The following SOX6 variants were observed in gnomAD, a reference collection of about 807,000 sequenced individuals.
SOX6 encodes transcription factor SOX-6.
A neutral mutation model predicts 97.8 loss-of-function variants in SOX6; 11 were observed. That is an observed-to-expected ratio of 0.11 (90% confidence interval 0.07 to 0.19). The LOEUF (loss-of-function observed/expected upper bound fraction) is 0.19, where lower values mean the gene tolerates loss of function less well. Ranked by LOEUF, SOX6 falls within the 10% of genes least tolerant of loss-of-function variation. The pLI, the probability that SOX6 is intolerant of heterozygous loss-of-function variation, is 1.00. For synonymous variants in SOX6, 360 were observed against 371.4 expected, an observed-to-expected ratio of 0.97 and a Z score of 0.35; for missense variants, 810 against 1,039.5, an observed-to-expected ratio of 0.78 and a Z score of 3.04.
intron 4 of SOX6, among the ~76,000 whole-genome samples, chr11:16,207,401 G>A (rs1248443566): frequency 6.6e-6 from 1 of 152,020 alleles, no homozygotes; most frequent in African/African-American, 2.4e-5. Context: ...AGGAGATCGA[G>A]ACCATCCTGG....
chr11:15,998,270 A>T (rs1224221396), intron 13 of SOX6, among the ~76,000 whole-genome samples: 6 of 151,042 alleles, frequency 4.0e-5, no homozygotes, highest in Non-Finnish European at 8.9e-5. Context: ...TACCAAAATC[A>T]ATCATATTTC....
intron 1 of SOX6, among the ~76,000 whole-genome samples, chr11:16,425,460 G>A (rs1163320838): frequency 2.0e-5 from 3 of 152,126 alleles, no homozygotes; most frequent in African/African-American, 7.2e-5. Flanking sequence ...TGGAAGTCCT[G>A]GCCAGGGCAA....
At chr11:16,073,165 A>C (rs1281675334) in intron 9 of SOX6, among the ~76,000 whole-genome samples, 1 of 152,188 alleles carries the variant, frequency 6.6e-6, no homozygotes, top group Non-Finnish European at 1.5e-5. Flanking sequence ...TGGATAAAGA[A>C]AGCAAGACCT....
At chr11:16,678,655 CA>C (rs1468076055) in intron 3 of SOX6, among the ~76,000 whole-genome samples, 5 of 152,162 alleles carry the variant, frequency 3.3e-5, no homozygotes, top group African/African-American at 1.2e-4. Flanking sequence ...GACATTGCCT[CA>C]TCTAGGAAGT....
chr11:16,254,215 T>C (rs1317349365), intron 3 of SOX6, among the ~76,000 whole-genome samples: 1 of 152,018 alleles, frequency 6.6e-6, no homozygotes, highest in Non-Finnish European at 1.5e-5. Context: ...TTGAAGTTCT[T>C]CAGGGAGAAG....
chr11:16,244,485 T>A (rs1565043660), intron 3 of SOX6, among the ~76,000 whole-genome samples: 3 of 151,792 alleles, frequency 2.0e-5, no homozygotes, highest in Non-Finnish European at 4.4e-5. Context: ...ATTTTCTGGA[T>A]TCTCTCTATG....
At chr11:16,273,874 T>C (rs1854325293) in intron 3 of SOX6, among the ~76,000 whole-genome samples, 1 of 152,008 alleles carries the variant, frequency 6.6e-6, no homozygotes, top group South Asian at 2.1e-4. Context: ...GAAGCTGTGG[T>C]AAAAGAATTA....
chr11:16,525,143 T>C (rs1481142104), intron 4 of SOX6, among the ~76,000 whole-genome samples: 17 of 152,208 alleles, frequency 1.1e-4, no homozygotes, highest in Non-Finnish European at 2.2e-4. Flanking sequence ...TTAAAGTTCA[T>C]ATGGAACCAA....
At chr11:16,359,724 G>A (rs1857161413), upstream of SOX6, among the ~76,000 whole-genome samples, 1 of 152,148 alleles carries the variant, frequency 6.6e-6, no homozygotes, top group Non-Finnish European at 1.5e-5. Flanking sequence ...GAACGAAGAG[G>A]AGGAAATAAT....
chr11:16,132,433 GAAAGAAAGAAAAAAGA>G (rs1849822326), intron 6 of SOX6, among the ~76,000 whole-genome samples: 1 of 80,606 alleles, frequency 1.2e-5, no homozygotes. Flanking sequence ...AAGAAAGAAA[GAAAGAAAGAAAAAAGA>G]AAGAAAGAAA....
intron 4 of SOX6, among the ~76,000 whole-genome samples, chr11:16,188,145 T>A (rs1294397550): frequency 6.6e-6 from 1 of 150,708 alleles, no homozygotes; most frequent in Non-Finnish European, 1.5e-5. Flanking sequence ...TGTTAGTATA[T>A]GATTTCTGAA....
intron 4 of SOX6, among the ~76,000 whole-genome samples, chr11:16,208,353 A>G (rs1852128001): frequency 6.6e-6 from 1 of 152,186 alleles, no homozygotes. Flanking sequence ...TACTTTTCTA[A>G]TAATACTATA....
intron 1 of SOX6, among the ~76,000 whole-genome samples, chr11:16,395,771 T>C (rs1858336067): frequency 6.6e-6 from 1 of 151,762 alleles, no homozygotes; most frequent in African/African-American, 2.4e-5. Context: ...AGCATGGGAA[T>C]GAAAGACACA....
At chr11:16,606,714 C>G (rs2133980319) in intron 4 of SOX6, among the ~76,000 whole-genome samples, 1 of 152,314 alleles carries the variant, frequency 6.6e-6, no homozygotes, top group South Asian at 2.1e-4. Flanking sequence ...GCGATAACAG[C>G]TTTCTGTTGT....
intron 4 of SOX6, among the ~76,000 whole-genome samples, chr11:16,525,234 C>T (rs1433631914): frequency 1.3e-5 from 2 of 152,100 alleles, no homozygotes; most frequent in Admixed American, 6.5e-5. Flanking sequence ...TCAAACTATA[C>T]TACAAGGCTA....
At chr11:16,047,712 G>T (rs1215450892) in intron 11 of SOX6, among the ~76,000 whole-genome samples, 1 of 150,314 alleles carries the variant, frequency 6.7e-6, no homozygotes, top group Non-Finnish European at 1.5e-5. Context: ...GTGTGTGTGT[G>T]TGTGTGTGTG....
upstream of SOX6, among the ~76,000 whole-genome samples, chr11:16,358,958 T>G (rs1208488744): frequency 1.3e-5 from 2 of 152,134 alleles, no homozygotes; most frequent in South Asian, 4.1e-4. Context: ...AGTACCATAC[T>G]GACTGCCAGA....
chr11:16,272,987 T>G (rs1274319155), intron 3 of SOX6, among the ~76,000 whole-genome samples: 1 of 151,946 alleles, frequency 6.6e-6, no homozygotes, highest in Non-Finnish European at 1.5e-5. Context: ...AAATGTTACC[T>G]GAAAATGTTA....
At chr11:16,144,974 G>C (rs1448843598) in intron 6 of SOX6, among the ~76,000 whole-genome samples, 1 of 152,170 alleles carries the variant, frequency 6.6e-6, no homozygotes, top group Non-Finnish European at 1.5e-5. Context: ...AATAGAAAAA[G>C]AGGGAATCCT....
Sources: allele counts gnomAD v4.1 joint callset (sites outside exome capture counted in the v4.1 genomes callset), GRCh38; gene constraint gnomAD v4.1.1; transcripts MANE v1.5; gene names NCBI Gene and HGNC (gene_info 2026-07-23, HGNC 2026-07-21).